The following CDH23 variants were observed in gnomAD, a reference collection of about 807,000 sequenced individuals.
CDH23 encodes the protein cadherin related 23, also known as cadherin-23.
A neutral mutation model predicts 317.1 loss-of-function variants in CDH23; 189 were observed. The ratio of observed to expected loss-of-function variants is 0.60; its 90% CI spans 0.53 to 0.67. The LOEUF is 0.67. Ranked by LOEUF, CDH23 falls within the 30% of genes least tolerant of loss-of-function variation. CDH23 has a pLI of 0.00. For synonymous variants in CDH23, 1,839 were observed against 1,876.8 expected, an observed-to-expected ratio of 0.98 and a Z score of 0.52; for missense variants, 4,401 against 4,592.4, an observed-to-expected ratio of 0.96 and a Z score of 1.20.
At chr10:71,735,160 G>A (rs1011137271) in intron 34 of CDH23, among the ~76,000 whole-genome samples, 1 of 152,204 alleles carries the variant, frequency 6.6e-6, no homozygotes, top group African/African-American at 2.4e-5. Context: ...TGCCTCAGCT[G>A]CTGCATCCAT....
At chr10:71,586,863 T>A (rs1859105355) in intron 9 of CDH23, among the ~76,000 whole-genome samples, 1 of 152,250 alleles carries the variant, frequency 6.6e-6, no homozygotes, top group African/African-American at 2.4e-5. Context: ...TATCCAAGAC[T>A]CATCCATGCT....
intron 3 of CDH23, among the ~76,000 whole-genome samples, chr10:71,489,200 T>C (rs114258914): frequency 0.011 from 1,628 of 152,382 alleles, 22 homozygotes; most frequent in African/African-American, 0.032. Flanking sequence ...TTCTGGAATC[T>C]CAGTTAAATG....
chr10:71,400,140 C>T (rs770863843), intron 1 of CDH23, among the ~76,000 whole-genome samples: 3 of 152,188 alleles, frequency 2.0e-5, no homozygotes, highest in Non-Finnish European at 4.4e-5. Context: ...CCTCTAGCTT[C>T]AAGATACAGG....
At chr10:71,648,803 T>C (rs1455177320) in intron 14 of CDH23, among the ~76,000 whole-genome samples, 1 of 152,102 alleles carries the variant, frequency 6.6e-6, no homozygotes, top group African/African-American at 2.4e-5. Context: ...CCTCCCTGGG[T>C]TCCTGGCTTC....
intron 41 of CDH23, among the ~76,000 whole-genome samples, chr10:71,779,815 C>T (rs540160011): frequency 6.6e-6 from 1 of 152,366 alleles, no homozygotes; most frequent in Admixed American, 6.5e-5. Flanking sequence ...GGACCACAAA[C>T]CCACACACCA....
Position 71,790,561 on chromosome 10 carries a change from G to A in CDH23, c.6049+148G>A, listed in dbSNP as rs1370224787. On this transcript the variant is annotated intron_variant, in intron 46 of 69. Transcript: ENST00000224721. ...CACAGCCCAGAGTCCCCATCTTGCA[G>A]CTGGGTTATATCACCCAGTGGCCTG... The A allele has an allele frequency of 2.7e-6, 3 of 1,103,994 alleles. No individual in the cohort carries two copies. In the East Asian group the frequency reaches 7.8e-5, roughly 29 times the overall value. 68.4% of individuals were successfully genotyped at this position (1,103,994 alleles called of 1,614,324 possible).
At chr10:71,537,670 C>T (rs1855774216) in intron 6 of CDH23, among the ~76,000 whole-genome samples, 1 of 152,134 alleles carries the variant, frequency 6.6e-6, no homozygotes, top group South Asian at 2.1e-4. Context: ...TCAGTCCATC[C>T]CAAAAAAACC....
chr10:71,489,142 G>A (rs115281505), intron 3 of CDH23, among the ~76,000 whole-genome samples: 1,632 of 152,172 alleles, frequency 0.011, 22 homozygotes, highest in African/African-American at 0.032. Context: ...ATTCTGGAAC[G>A]TTCTCAGCCA....
At chr10:71,807,794 GGT>G in intron 59 of CDH23, 27 bp downstream of exon 59, 1 of 1,583,818 alleles carries the variant, frequency 6.3e-7, no homozygotes, top group Non-Finnish European at 8.6e-7. Context: ...CTGGGCACGA[GGT>G]GTGGGGTGGC....
chr10:71,756,575 C>G (rs1456510527), intron 38 of CDH23, among the ~76,000 whole-genome samples: 3 of 152,154 alleles, frequency 2.0e-5, no homozygotes, highest in Non-Finnish European at 4.4e-5. Context: ...GCTAAATTGC[C>G]CTCCAAAAAG....
Position 71,784,405 on chromosome 10 carries a change from C to T in CDH23, c.5487C>T (p.Pro1829=). The T allele has an allele frequency of 6.2e-7, 1 of 1,613,490 alleles. No individual in the cohort carries two copies. Among genetic ancestry groups the T allele is most frequent in the Non-Finnish European group, 8.5e-7 (1 of 1,179,562 alleles). The change falls in exon 42 of 70, where the codon CCC becomes CCT. Residue 1829 remains proline (P), a synonymous_variant. Transcript: ENST00000224721. ...LTICARDRGM[P]PLSSTMLVGI... ...TCTGTGCCCGTGACCGGGGGATGCC[C>T]CCACTCAGCTCCACAGTGAGTCTGG...
intron 10 of CDH23, 135 bp downstream of exon 10, chr10:71,615,751 C>A (rs1462704490): frequency 1.5e-5 from 10 of 650,182 alleles, no homozygotes; most frequent in Non-Finnish European, 2.2e-5. Flanking sequence ...TCTCACCCTG[C>A]ACTGCCTCCC....
intron 28 of CDH23, chr10:71,716,679 A>G (rs1589366565): frequency 8.7e-6 from 2 of 230,432 alleles, no homozygotes; most frequent in East Asian, 1.7e-4. Context: ...GAAACTTAAG[A>G]CCAACTCTGT....
intron 38 of CDH23, among the ~76,000 whole-genome samples, chr10:71,752,795 G>A (rs988201843): frequency 6.6e-6 from 1 of 152,182 alleles, no homozygotes; most frequent in African/African-American, 2.4e-5. Context: ...TCAGCCTGCT[G>A]AGTCGGGGTG....
chr10:71,473,379 G>A (rs984847059), intron 3 of CDH23, among the ~76,000 whole-genome samples: 1 of 152,240 alleles, frequency 6.6e-6, no homozygotes, highest in African/African-American at 2.4e-5. Flanking sequence ...GTGCACCTGT[G>A]TGTTCATTCA....
chr10:71,474,603 A>G (rs909064100), intron 3 of CDH23, among the ~76,000 whole-genome samples: 1 of 152,246 alleles, frequency 6.6e-6, no homozygotes, highest in African/African-American at 2.4e-5. Flanking sequence ...GGTAAAATGG[A>G]GAAAATAACA....
chr10:71,522,099 T>C (rs922425379), intron 6 of CDH23, among the ~76,000 whole-genome samples: 7 of 150,926 alleles, frequency 4.6e-5, no homozygotes, highest in African/African-American at 1.7e-4. Context: ...TAGAGTATTT[T>C]TTCTGGTGGC....
chr10:71,500,231 C>T (rs899623776), intron 3 of CDH23, among the ~76,000 whole-genome samples: 92 of 152,236 alleles, frequency 6.0e-4, no homozygotes, highest in African/African-American at 2.0e-3. Context: ...ACAGGTACCC[C>T]GTAAATATGT....
chr10:71,518,453 G>A (rs146189173), intron 6 of CDH23, among the ~76,000 whole-genome samples: 5 of 152,358 alleles, frequency 3.3e-5, no homozygotes, highest in East Asian at 1.9e-4. Flanking sequence ...TCATGCACAG[G>A]CTTAGGAGGT....
Sources: gnomAD v4.1 joint callset for allele counts (sites outside exome capture counted in the v4.1 genomes callset) on GRCh38, gnomAD v4.1.1 for gene constraint, MANE v1.5 for transcripts, NCBI Gene and HGNC (gene_info 2026-07-23, HGNC 2026-07-21) for gene names.